Variants in KDM5B observed in about 807,000 individuals in gnomAD.
KDM5B encodes lysine-specific demethylase 5B.
A neutral mutation model predicts 193.4 loss-of-function variants in KDM5B; 144 were observed. The ratio of observed to expected loss-of-function variants is 0.74; its 90% CI spans 0.65 to 0.86. KDM5B has a LOEUF of 0.86. KDM5B is among the 40% of genes least tolerant of loss of function. The pLI, the probability that KDM5B is intolerant of heterozygous loss-of-function variation, is 0.00. For synonymous variants in KDM5B, 668 were observed against 682.6 expected, an observed-to-expected ratio of 0.98 and a Z score of 0.33; for missense variants, 1,833 against 1,886.9, an observed-to-expected ratio of 0.97 and a Z score of 0.53.
intron 20 of KDM5B, among the ~76,000 whole-genome samples, chr1:202,738,748 G>C (rs1261717032): frequency 5.9e-5 from 9 of 152,100 alleles, no homozygotes; most frequent in African/African-American, 2.2e-4. Context: ...TAAGAGATAA[G>C]GGAAGACATC....
At position 202,735,869 on chromosome 1, in the gene KDM5B, A is replaced by C. The variant is rs1258973974; in HGVS notation, c.3265-282T>G. On this transcript the variant is annotated intron_variant, in intron 21 of 26. Coordinates refer to ENST00000367265, the MANE Select transcript of KDM5B (RefSeq NM_006618.5). ...ACAAGCAAGTTTACAGAAAATACAA[A>C]AAGTGCAGTTAAAGCACTTTTAAAA... Among the ~76,000 whole-genome samples the C allele has an allele frequency of 2.6e-5, 4 of 152,250 alleles. No homozygotes were observed. In the East Asian group the frequency reaches 7.7e-4, roughly 29 times the overall value.
chr1:202,764,687 A>T (rs1482263154), intron 5 of KDM5B, among the ~76,000 whole-genome samples: 1 of 152,136 alleles, frequency 6.6e-6, no homozygotes, highest in African/African-American at 2.4e-5. Flanking sequence ...AAGGATCAAG[A>T]ACAAATTGTG....
At chr1:202,741,306 T>C in intron 19 of KDM5B, 61 bp downstream of exon 19, 1 of 1,216,402 alleles carries the variant, frequency 8.2e-7, no homozygotes, top group Non-Finnish European at 1.1e-6. Context: ...CATTGTGCTC[T>C]GTGTTTAAGC....
At chr1:202,801,405 TAAA>T (rs1658068239) in intron 1 of KDM5B, among the ~76,000 whole-genome samples, 1 of 152,186 alleles carries the variant, frequency 6.6e-6, no homozygotes, top group Admixed American at 6.5e-5. Flanking sequence ...GTAGAGGACT[TAAA>T]AGAATGCATT....
rs764776430 is a variant in KDM5B, at chr1:202,745,897, C to T, written c.2284G>A (p.Val762Met). The change falls in exon 16 of 27, where the codon GTG becomes ATG. Residue 762 changes from valine to methionine, a missense_variant. Physicochemically the swap from Val to Met is conservative, Grantham distance 21. Coordinates refer to ENST00000367265, the MANE Select transcript of KDM5B (RefSeq NM_006618.5). ...AESYNEWALN[V>M]NEALEAKINK... ...ATCTTTGCCTCCAAAGCTTCATTCACATTCAAGGCCCATTCGTTGTAAGAT... is the reference window on the plus strand; with the variant it reads ...ATCTTTGCCTCCAAAGCTTCATTCATATTCAAGGCCCATTCGTTGTAAGAT... 9.9e-6 allele frequency: 16 copies of T among 1,613,930 alleles called. No homozygotes were observed. The highest frequency in any genetic ancestry group is 1.7e-6 in the Non-Finnish European group (2 of 1,179,922).
chr1:202,741,782 C>T, intron 18 of KDM5B, 60 bp from the exon 19 acceptor site: 1 of 932,866 alleles, frequency 1.1e-6, no homozygotes, highest in South Asian at 1.6e-5. Flanking sequence ...TGGCTTCTTT[C>T]AAACTTAGAA....
intron 7 of KDM5B, 84 bp from the exon 8 acceptor site, chr1:202,760,657 A>G: frequency 1.0e-6 from 1 of 967,054 alleles, no homozygotes; most frequent in East Asian, 2.7e-5. Flanking sequence ...AATGGATCTG[A>G]GACATAATCT....
chr1:202,753,196 T>G (rs1655865845), intron 11 of KDM5B, 129 bp from the exon 12 acceptor site: 2 of 768,948 alleles, frequency 2.6e-6, no homozygotes, highest in Non-Finnish European at 4.1e-6. Context: ...TGACGAAATA[T>G]CATTAGAAAT....
At position 202,756,574 on chromosome 1, in the gene KDM5B, A is replaced by G. The variant is rs1656021211; in HGVS notation, c.1198-58T>C. ...CCTCACAAACTGTCTGTGACCAATT[A>G]AGCTCAGTGATGGGAATCAAAGAAC... On this transcript the variant is annotated intron_variant, in intron 9 of 26. Coordinates refer to ENST00000367265, the MANE Select transcript of KDM5B (RefSeq NM_006618.5). 3.0e-6 allele frequency: 4 copies of G among 1,338,278 alleles called. No homozygotes were observed. In the East Asian group the frequency reaches 9.7e-5, roughly 32 times the overall value. The allele number at this position is 1,338,278 out of a possible 1,614,324, so 82.9% of individuals were successfully genotyped here. A position where few individuals can be genotyped will look rare whatever the true frequency, so the allele number is the denominator to read the frequency against.
chr1:202,729,038 A>C lies in KDM5B; in HGVS notation c.4633T>G (p.Ter1545GluextTer10). 2 of 1,613,844 alleles carry C rather than the reference A, an allele frequency of 1.2e-6. No individual in the cohort carries two copies. The highest frequency in any genetic ancestry group is 1.1e-5 in the South Asian group (1 of 91,070). ...GGGGGGTATCTGTTTTTGTGTTTTT[A>C]CTTTCGGCTTGGTGCGTCCTTCACA... ...CTVKDAPSRK[*>E] The change falls in exon 27 of 27, where the codon TAA (stop) becomes GAA (glutamate). Residue 1545 changes from the stop codon to glutamate (E), a stop_lost. Transcript: ENST00000367265.
At position 202,752,851 on chromosome 1, in the gene KDM5B, A is replaced by G. The variant is rs1002372907; in HGVS notation, c.1701+54T>C. ...TCATAAAAAAGTGAATAAAAAGGAAAAAGAGAAGTGGTGAATTAAGCTTGA... is the reference window on the plus strand; with the variant it reads ...TCATAAAAAAGTGAATAAAAAGGAAGAAGAGAAGTGGTGAATTAAGCTTGA... On this transcript the variant is annotated intron_variant, in intron 12 of 26. Coordinates refer to ENST00000367265, the MANE Select transcript of KDM5B (RefSeq NM_006618.5). The G allele has an allele frequency of 6.0e-6, 9 of 1,507,954 alleles. No homozygotes were observed. In the African/African-American group the frequency reaches 1.1e-4, roughly 19 times the overall value. 93.4% of individuals were successfully genotyped at this position (1,507,954 alleles called of 1,614,324 possible).
At chr1:202,797,144 G>A (rs1378170032) in intron 1 of KDM5B, 1 of 152,290 alleles carries the variant, frequency 6.6e-6, no homozygotes, top group Non-Finnish European at 1.5e-5. Context: ...AACAGATGGG[G>A]AAAGAGGGGA....
intron 1 of KDM5B, among the ~76,000 whole-genome samples, chr1:202,785,892 A>G (rs940562376): frequency 6.6e-6 from 1 of 151,128 alleles, no homozygotes; most frequent in East Asian, 1.9e-4. Context: ...CTGGGCAAAC[A>G]GAGCAAGACT....
Position 202,750,761 on chromosome 1 carries a change from C to T in KDM5B, c.1719G>A (p.Gln573=). The T allele has an allele frequency of 5.0e-6, 8 of 1,613,598 alleles. No individual in the cohort carries two copies. Among genetic ancestry groups the T allele is most frequent in the Non-Finnish European group, 6.8e-6 (8 of 1,179,702 alleles). ...THEVPVYRTN[Q]CAGEFVITFP... ...ATGTAATCACAAACTCCCCAGCACA[C>T]TGATTAGTTCGGTAAACCTAAAGAG... The change falls in exon 13 of 27, where the codon CAG becomes CAA. Residue 573 remains glutamine (Q), a synonymous_variant. Coordinates refer to ENST00000367265, the MANE Select transcript of KDM5B (RefSeq NM_006618.5).
Position 202,778,433 on chromosome 1 carries a change from G to T in KDM5B, c.205-1339C>A, listed in dbSNP as rs185308791. 1.2e-4 allele frequency among the ~76,000 whole-genome samples: 19 copies of T among 152,232 alleles called. 1 individual carries two copies. Among genetic ancestry groups the T allele is most frequent in the Admixed American group, 1.2e-3 (19 of 15,298 alleles). On this transcript the variant is annotated intron_variant, in intron 1 of 26. Transcript: ENST00000367265. ...TTCAGTCTGGGATAATGATGAAAGG[G>T]TCTGGAGGTAGACAATGGTAATGGC...
chr1:202,806,335 G>A (rs943109381), intron 1 of KDM5B, among the ~76,000 whole-genome samples: 35 of 152,288 alleles, frequency 2.3e-4, no homozygotes, highest in African/African-American at 6.3e-4. Flanking sequence ...TTATGCAAAT[G>A]TGCAATATTC....
chr1:202,808,247 G>A lies in KDM5B; in HGVS notation c.59C>T (p.Pro20Leu), dbSNP rs748601555. The A allele has an allele frequency of 4.3e-6, 7 of 1,611,000 alleles. No homozygotes were observed. The Admixed American group carries it at 6.7e-5, about 15-fold the overall frequency. Residue 20 changes from proline (P) to leucine (L), a missense_variant, in exon 1 of 27, where the codon CCG (proline) becomes CTG (leucine). Physicochemically the swap from Pro to Leu is moderately conservative, Grantham distance 98 (BLOSUM62 -3). Transcript: ENST00000367265. The stretch of plus-strand genomic sequence containing the variant: ...AGGCAGGAACTCGCCCAGCGGGCCC[G>A]GGCCCCCGAGGGGCAGCGCCGGGCG... ...GPRPALPLGG[P>L]GPLGEFLPPP...
Position 202,749,884 on chromosome 1 carries a change from C to T in KDM5B, c.1822-745G>A, listed in dbSNP as rs562794035. Among the ~76,000 whole-genome samples the T allele has an allele frequency of 2.6e-5, 4 of 152,248 alleles. No individual in the cohort carries two copies. In the East Asian group the frequency reaches 7.7e-4, roughly 29 times the overall value. On this transcript the variant is annotated intron_variant, in intron 13 of 26. Transcript: ENST00000367265. ...TTATAACAAAGTTATAATTCATTAG[C>T]TTTAACACCACTTAATCTAGAACTT...
chr1:202,740,044 G>A (rs992900826), intron 20 of KDM5B, among the ~76,000 whole-genome samples: 1 of 152,160 alleles, frequency 6.6e-6, no homozygotes, highest in African/African-American at 2.4e-5. Context: ...CATCCCAGTA[G>A]GGGCAGCCGG....
Sources: allele counts gnomAD v4.1 joint callset (sites outside exome capture counted in the v4.1 genomes callset), GRCh38; gene constraint gnomAD v4.1.1; transcripts MANE v1.5; gene names NCBI Gene and HGNC (gene_info 2026-07-23, HGNC 2026-07-21).